Variants in AHCYL2 observed in about 807,000 individuals in gnomAD.
AHCYL2 encodes the protein adenosylhomocysteinase like 2.
In AHCYL2, 28 loss-of-function variants were observed where a neutral mutation model predicts 81.4. The ratio of observed to expected loss-of-function variants is 0.34; its 90% confidence interval spans 0.25 to 0.47. The LOEUF (loss-of-function observed/expected upper bound fraction) is 0.47. AHCYL2 is among the 20% of genes least tolerant of loss of function. The probability of loss-of-function intolerance (pLI) is 1.00; values close to 1 mark genes in which losing one functional copy is unlikely to be tolerated. For missense variants in AHCYL2, 551 were observed against 785.1 expected (o/e 0.70, Z 3.56); for synonymous variants, 272 against 290.2 (o/e 0.94, Z 0.64).
At chr7:129,242,943 T>A (rs965294147) in intron 1 of AHCYL2, among the ~76,000 whole-genome samples, 4 of 152,024 alleles carry the variant, frequency 2.6e-5, no homozygotes, top group African/African-American at 9.7e-5. Context: ...TTCATTTGGA[T>A]TTCCTTTTTT....
At chr7:129,283,787 T>C (rs1796532781) in intron 1 of AHCYL2, among the ~76,000 whole-genome samples, 1 of 152,184 alleles carries the variant, frequency 6.6e-6, no homozygotes, top group Admixed American at 6.5e-5. Context: ...TTTTTTCATA[T>C]TAGCTTCCAA....
chr7:129,389,841 A>C lies in AHCYL2; in HGVS notation c.720+107A>C, dbSNP rs905779496. 4.4e-5 allele frequency: 38 copies of C among 861,952 alleles called. No homozygotes were observed. The African/African-American group carries it at 5.5e-4, about 12-fold the overall frequency. 53.4% of individuals were successfully genotyped at this position (861,952 alleles called of 1,614,324 possible). On this transcript the variant is annotated intron_variant, in intron 4 of 16. Transcript: ENST00000325006. ...CCGAGTTAAGAGCTTAACAAGTATTAGCTTATTAATCCTTATAATGGCCAT... is the reference window on the plus strand; with the variant it reads ...CCGAGTTAAGAGCTTAACAAGTATTCGCTTATTAATCCTTATAATGGCCAT...
chr7:129,271,548 A>G (rs1294569168), intron 1 of AHCYL2, among the ~76,000 whole-genome samples: 1 of 152,134 alleles, frequency 6.6e-6, no homozygotes, highest in Non-Finnish European at 1.5e-5. Context: ...GAATAACAAT[A>G]ATGTTGAAGG....
chr7:129,285,688 C>T (rs1006248145), intron 1 of AHCYL2, among the ~76,000 whole-genome samples: 1 of 134,894 alleles, frequency 7.4e-6, no homozygotes, highest in Non-Finnish European at 1.5e-5. Flanking sequence ...TTTTCTTTCT[C>T]TCTCTCTCTT....
rs937643631 is a variant in AHCYL2, at chr7:129,430,057, T to G, written c.*3012T>G. ...TATATCTATATATCTATATACGTAA[T>G]CATCTAGTTCTGTCATCTTACTGAA... is the stretch of plus-strand genomic sequence containing the variant. On this transcript the variant is annotated 3_prime_UTR_variant, in exon 17 of 17. Transcript: ENST00000325006. 6.6e-6 allele frequency: 1 copy of G among 151,630 alleles called. No homozygotes were observed. The highest frequency in any genetic ancestry group is 1.5e-5 in the Non-Finnish European group (1 of 67,880). 9.4% of individuals were successfully genotyped at this position (151,630 alleles called of 1,614,324 possible).
intron 1 of AHCYL2, among the ~76,000 whole-genome samples, chr7:129,291,360 C>T (rs1459387467): frequency 1.3e-5 from 2 of 152,140 alleles, no homozygotes; most frequent in African/African-American, 4.8e-5. Flanking sequence ...TTATTATCAT[C>T]GTCTCCTTTT....
At chr7:129,324,522 T>TA (rs1798149626) in intron 1 of AHCYL2, among the ~76,000 whole-genome samples, 1 of 152,198 alleles carries the variant, frequency 6.6e-6, no homozygotes, top group Non-Finnish European at 1.5e-5. Context: ...TATTACTTTT[T>TA]ATTTTTGTTT....
chr7:129,303,943 G>A (rs1457771976), intron 1 of AHCYL2, among the ~76,000 whole-genome samples: 2 of 151,898 alleles, frequency 1.3e-5, no homozygotes, highest in Admixed American at 1.3e-4. Context: ...AAAATTAGTC[G>A]GGCATTGGTG....
intron 5 of AHCYL2, among the ~76,000 whole-genome samples, chr7:129,398,271 A>G (rs898780053): frequency 6.7e-6 from 1 of 149,174 alleles, no homozygotes; most frequent in Non-Finnish European, 1.5e-5. Context: ...TCATCCTCCC[A>G]AAGTGCTGGG....
Position 129,427,174 on chromosome 7 carries a change from A to G in AHCYL2, c.*129A>G. On this transcript the variant is annotated 3_prime_UTR_variant, in exon 17 of 17. Coordinates refer to ENST00000325006, the MANE Select transcript of AHCYL2 (RefSeq NM_015328.4). The surrounding 1 kb of genome is among the most constrained non-coding windows in gnomAD (Gnocchi z 5.5). ...GCCTGCCGTGCTCACCCTGTGTGTT[A>G]GGTTATTTATTTATTAAAATCAAGA... 1.1e-6 allele frequency: 1 copy of G among 949,540 alleles called. No homozygotes were observed. Among genetic ancestry groups the G allele is most frequent in the East Asian group, 2.5e-5 (1 of 39,728 alleles). The allele number at this position is 949,540 out of a possible 1,614,324, so 58.8% of individuals were successfully genotyped here.
intron 3 of AHCYL2, 34 bp downstream of exon 3, chr7:129,389,233 T>A: frequency 3.1e-6 from 5 of 1,613,144 alleles, no homozygotes; most frequent in Admixed American, 1.7e-5. Context: ...CTTCTTAACC[T>A]ACCTGTGTCT....
intron 1 of AHCYL2, among the ~76,000 whole-genome samples, chr7:129,246,734 T>C (rs150422320): frequency 3.3e-3 from 509 of 152,254 alleles, no homozygotes; most frequent in African/African-American, 0.012. Flanking sequence ...TGGGCTCAAG[T>C]GATCCACCTG....
intron 10 of AHCYL2, among the ~76,000 whole-genome samples, chr7:129,407,570 A>G (rs1229137554): frequency 2.6e-5 from 4 of 152,166 alleles, no homozygotes; most frequent in Non-Finnish European, 5.9e-5. Flanking sequence ...TGGTACACTA[A>G]GAGTTTAGGA....
intron 1 of AHCYL2, among the ~76,000 whole-genome samples, chr7:129,322,103 C>T (rs1487498131): frequency 7.5e-6 from 1 of 133,434 alleles, no homozygotes; most frequent in Admixed American, 7.6e-5. Context: ...CCTTCTGGGC[C>T]AGGTTTTGTG....
At chr7:129,263,568 G>A (rs185565788) in intron 1 of AHCYL2, among the ~76,000 whole-genome samples, 24 of 152,348 alleles carry the variant, frequency 1.6e-4, no homozygotes, top group Admixed American at 1.1e-3. Flanking sequence ...AGGGAATAAA[G>A]CTAGTTGTAG....
intron 11 of AHCYL2, among the ~76,000 whole-genome samples, chr7:129,411,975 T>A (rs1367368450): frequency 6.6e-6 from 1 of 152,200 alleles, no homozygotes; most frequent in Non-Finnish European, 1.5e-5. Flanking sequence ...TGAATACAAG[T>A]TTTTATGTGG....
chr7:129,255,543 A>G (rs1317599058), intron 1 of AHCYL2, among the ~76,000 whole-genome samples: 1 of 152,222 alleles, frequency 6.6e-6, no homozygotes, highest in Non-Finnish European at 1.5e-5. Context: ...TGAACTGCAT[A>G]GACACGTCAT....
chr7:129,252,752 G>A (rs146713159), intron 1 of AHCYL2, among the ~76,000 whole-genome samples: 85 of 152,222 alleles, frequency 5.6e-4, no homozygotes, highest in Non-Finnish European at 1.0e-3. Context: ...GGGTGACAAA[G>A]CAAGACCTTG....
intron 1 of AHCYL2, among the ~76,000 whole-genome samples, chr7:129,299,280 CAAA>C (rs34402215): frequency 8.4e-6 from 1 of 119,208 alleles, no homozygotes; most frequent in African/African-American, 3.6e-5. Flanking sequence ...CCTCCTCTAC[CAAA>C]AAAAAAAAAA....
Sources: gnomAD v4.1 joint callset for allele counts (sites outside exome capture counted in the v4.1 genomes callset) on GRCh38, gnomAD v4.1.1 for gene constraint, Gnocchi (gnomAD v3.1) non-coding constraint, MANE v1.5 for transcripts, NCBI Gene and HGNC (gene_info 2026-07-23, HGNC 2026-07-21) for gene names.